NPAT: variants seen among roughly 807,000 people sequenced by gnomAD.
NPAT encodes nuclear protein, coactivator of histone transcription.
A neutral mutation model predicts 130.7 loss-of-function variants in NPAT; 52 were observed. That is an observed-to-expected ratio of 0.40 (90% CI 0.32 to 0.50). NPAT has a LOEUF of 0.50. Ranked by LOEUF, NPAT falls within the 20% of genes least tolerant of loss-of-function variation. The pLI, the probability that NPAT is intolerant of heterozygous loss-of-function variation, is 0.68. For missense variants in NPAT, 1,687 were observed against 1,662.6 expected (o/e 1.01, Z -0.26); for synonymous variants, 580 against 584.8 (o/e 0.99, Z 0.12).
rs1565305809 is a variant in NPAT at position 108,161,968 on chromosome 11, A to AT, written c.3117dup (p.Ser1040IlefsTer18). ...GGGAAGGGAACTGTGGTTTCTTCTG[A>AT]TTTTTTCCCAAGATCTGTGGCAATA... On this transcript the variant is annotated frameshift_variant, in exon 17 of 18. Transcript: ENST00000278612. LOFTEE classifies it high-confidence loss of function. The AT allele has an allele frequency of 1.2e-6, 2 of 1,603,444 alleles. No homozygotes were observed. The highest frequency in any genetic ancestry group is 1.7e-6 in the Non-Finnish European group (2 of 1,175,722).
chr11:108,215,698 T>C (rs539966339), intron 1 of NPAT, among the ~76,000 whole-genome samples: 32 of 152,334 alleles, frequency 2.1e-4, no homozygotes, highest in African/African-American at 7.7e-4. Context: ...TATGGTCATC[T>C]CGTTACAGGC....
intron 15 of NPAT, among the ~76,000 whole-genome samples, chr11:108,166,721 G>A (rs1407655347): frequency 1.3e-5 from 2 of 152,130 alleles, no homozygotes; most frequent in African/African-American, 2.4e-5. Context: ...TTGGTAGAAT[G>A]AGTCTGTCCT....
At chr11:108,194,087 T>G (rs2078197420) in intron 2 of NPAT, 70 bp from the exon 3 acceptor site, 1 of 850,808 alleles carries the variant, frequency 1.2e-6, no homozygotes, top group Non-Finnish European at 2.0e-6. Flanking sequence ...AAGAAAAGAT[T>G]CTACCATTCA....
Position 108,172,739 on chromosome 11 carries a change from A to G in NPAT, c.2245T>C (p.Phe749Leu), listed in dbSNP as rs865801637. Reference protein sequence around the residue: ...SLKVIISDDPFVSSDTELTSA... With the variant: ...SLKVIISDDPLVSSDTELTSA... ...GTAAGTTCAGTATCTGAGGAAACAA[A>G]TGGATCATCACTAATGATAACTTTG... Residue 749 changes from phenylalanine to leucine, a missense_variant, in exon 13 of 18, where the codon TTT becomes CTT. By Grantham distance (22) the Phe-to-Leu change is conservative. Transcript: ENST00000278612. 2.5e-6 allele frequency: 4 copies of G among 1,613,570 alleles called. No homozygotes were observed. The South Asian group carries it at 3.3e-5, about 13-fold the overall frequency.
intron 15 of NPAT, 21 bp from the exon 16 acceptor site, chr11:108,162,201 T>G: frequency 6.2e-7 from 1 of 1,603,706 alleles, no homozygotes; most frequent in Non-Finnish European, 8.5e-7. Context: ...AAATGAACAT[T>G]CCTGAGAAAA....
chr11:108,169,598 G>T, intron 15 of NPAT, 146 bp downstream of exon 15: 1 of 681,766 alleles, frequency 1.5e-6, no homozygotes, highest in Non-Finnish European at 2.6e-6. Flanking sequence ...ACAGTTGGCT[G>T]CATTATGACA....
chr11:108,216,429 TCA>T (rs2078436410), intron 1 of NPAT, among the ~76,000 whole-genome samples: 1 of 151,558 alleles, frequency 6.6e-6, no homozygotes, highest in Non-Finnish European at 1.5e-5. Context: ...TATGCATAAA[TCA>T]CAGATACACA....
chr11:108,165,743 C>A (rs979248791), intron 15 of NPAT, among the ~76,000 whole-genome samples: 1 of 151,872 alleles, frequency 6.6e-6, no homozygotes, highest in Admixed American at 6.6e-5. Flanking sequence ...CCACTCTCCT[C>A]CTGCTTTAGT....
chr11:108,205,168 CAGA>C (rs1034790941), intron 1 of NPAT, among the ~76,000 whole-genome samples: 5 of 152,140 alleles, frequency 3.3e-5, no homozygotes, highest in East Asian at 1.9e-4. Flanking sequence ...CACCAGAAAC[CAGA>C]AGTAGTGAGA....
intron 15 of NPAT, among the ~76,000 whole-genome samples, chr11:108,164,968 C>T (rs2077887449): frequency 6.6e-6 from 1 of 152,106 alleles, no homozygotes; most frequent in Admixed American, 6.6e-5. Flanking sequence ...CTGAGACTGC[C>T]ACTGCATTCC....
chr11:108,171,020 G>A (rs1378150501), intron 13 of NPAT: 1 of 151,574 alleles, frequency 6.6e-6, no homozygotes, highest in Non-Finnish European at 1.5e-5. Context: ...CACTATCTCT[G>A]AGGAACATAC....
chr11:108,191,669 T>C (rs1000741095), intron 4 of NPAT, among the ~76,000 whole-genome samples: 31 of 152,338 alleles, frequency 2.0e-4, no homozygotes, highest in Admixed American at 7.2e-4. Flanking sequence ...TAGTCAAATA[T>C]GAGATTTTCA....
intron 1 of NPAT, chr11:108,208,382 G>C (rs181670659): frequency 2.3e-6 from 1 of 437,792 alleles, no homozygotes; most frequent in East Asian, 7.5e-5. Context: ...CTTGAGCCTA[G>C]GGTTCAAGAC....
intron 12 of NPAT, among the ~76,000 whole-genome samples, chr11:108,175,285 A>T (rs1253469864): frequency 6.6e-6 from 1 of 152,242 alleles, no homozygotes; most frequent in African/African-American, 2.4e-5. Context: ...AACAGTAAAT[A>T]CTATATAGGC....
At chr11:108,216,158 G>A (rs759956463) in intron 1 of NPAT, among the ~76,000 whole-genome samples, 1 of 152,140 alleles carries the variant, frequency 6.6e-6, no homozygotes, top group Non-Finnish European at 1.5e-5. Flanking sequence ...TATGCTTCAA[G>A]ATTTAGATTG....
At chr11:108,188,246 TA>T in intron 6 of NPAT, 67 bp from the exon 7 acceptor site, 1 of 1,122,158 alleles carries the variant, frequency 8.9e-7, no homozygotes, top group Non-Finnish European at 1.4e-6. Context: ...TGTAATGGGA[TA>T]AAAAGCATTA....
At position 108,206,332 on chromosome 11, in the gene NPAT, T is replaced by G. The variant is rs1186833335; in HGVS notation, c.38-8912A>C. ...GTTCCGCCCACTTGGCCAAGCAGGC[T>G]GTGTTTGGCTCATGCTACTGGGCCT... On this transcript the variant is annotated intron_variant, in intron 1 of 17. Coordinates refer to ENST00000278612, the MANE Select transcript of NPAT (RefSeq NM_002519.3). Among the ~76,000 whole-genome samples the G allele has an allele frequency of 2.6e-5, 4 of 152,300 alleles. No homozygotes were observed. In the East Asian group the frequency reaches 7.7e-4, roughly 29 times the overall value.
chr11:108,188,238 T>C, intron 6 of NPAT, 59 bp from the exon 7 acceptor site: 2 of 1,231,226 alleles, frequency 1.6e-6, no homozygotes, highest in Admixed American at 1.7e-5. Context: ...TCTAAACTTG[T>C]AATGGGATAA....
chr11:108,211,136 A>C (rs2078379823), intron 1 of NPAT, among the ~76,000 whole-genome samples: 1 of 151,934 alleles, frequency 6.6e-6, no homozygotes, highest in Non-Finnish European at 1.5e-5. Flanking sequence ...GAATCGCTTG[A>C]ACCAGGGAGT....
Sources: allele counts gnomAD v4.1 joint callset (sites outside exome capture counted in the v4.1 genomes callset), GRCh38; gene constraint gnomAD v4.1.1; transcripts MANE v1.5; gene names NCBI Gene and HGNC (gene_info 2026-07-23, HGNC 2026-07-21).